The following SYT7 variants were observed in gnomAD, a reference collection of about 807,000 sequenced individuals.
SYT7 encodes synaptotagmin-7.
SYT7 carries 29 observed loss-of-function variants against 75.1 expected under a neutral mutation model. That is an observed-to-expected ratio of 0.39 (90% CI 0.29 to 0.53). The LOEUF (loss-of-function observed/expected upper bound fraction) is 0.53. Ranked by LOEUF, SYT7 falls within the 20% of genes least tolerant of loss-of-function variation. The pLI, the probability that SYT7 is intolerant of heterozygous loss-of-function variation, is 0.77. For missense variants in SYT7, 693 were observed against 953.2 expected, an observed-to-expected ratio of 0.73 and a Z score of 3.59; for synonymous variants, 376 against 401.7, an observed-to-expected ratio of 0.94 and a Z score of 0.76.
intron 7 of SYT7, among the ~76,000 whole-genome samples, chr11:61,534,474 C>A (rs116506430): frequency 6.6e-6 from 1 of 150,800 alleles, no homozygotes; most frequent in Admixed American, 6.6e-5. Flanking sequence ...CATATGTACA[C>A]ACACACATGC....
chr11:61,564,241 T>C (rs1011217103), intron 1 of SYT7, among the ~76,000 whole-genome samples: 2 of 152,162 alleles, frequency 1.3e-5, no homozygotes, highest in Admixed American at 6.5e-5. Context: ...CATGTGTGCA[T>C]GTGTGCTCAC....
chr11:61,575,729 A>G (rs1418523089), intron 1 of SYT7, among the ~76,000 whole-genome samples: 1 of 152,062 alleles, frequency 6.6e-6, no homozygotes, highest in Admixed American at 6.5e-5. Flanking sequence ...TTTCCGTCAT[A>G]GCTCCCCACG....
chr11:61,576,362 G>A lies in SYT7; in HGVS notation c.31+4428C>T, dbSNP rs1001519866. ...GCTGGGCCTGGCACAGGCTGGTGCC[G>A]GCACCTGGCCAGACCAGTGACTGCC... On this transcript the variant is annotated intron_variant, in intron 1 of 12. Coordinates refer to ENST00000539008, the MANE Select transcript of SYT7 (RefSeq NM_001365809.2). This position sits in a 1 kb window ranked among gnomAD's most constrained non-coding sequence, Gnocchi z 4.1. Among the ~76,000 whole-genome samples the A allele has an allele frequency of 1.8e-4, 27 of 152,202 alleles. No individual in the cohort carries two copies. The highest frequency in any genetic ancestry group is 5.1e-4 in the African/African-American group (21 of 41,448).
intron 9 of SYT7, chr11:61,526,332 GC>G (rs2062516411): frequency 6.6e-6 from 1 of 152,180 alleles, no homozygotes; most frequent in Non-Finnish European, 1.5e-5. Context: ...AATATTGGAA[GC>G]TCCAAGAGGT....
intron 12 of SYT7, among the ~76,000 whole-genome samples, chr11:61,520,776 T>C (rs766365558): frequency 7.9e-5 from 12 of 152,312 alleles, no homozygotes; most frequent in Non-Finnish European, 1.6e-4. Context: ...TGAGCCAAGA[T>C]TGTGCCACTG....
intron 3 of SYT7, 148 bp from the exon 4 acceptor site, chr11:61,547,456 AAGGC>A: frequency 1.1e-6 from 1 of 906,450 alleles, no homozygotes; most frequent in Non-Finnish European, 1.6e-6. Flanking sequence ...GGGAGGAAGA[AAGGC>A]AGGCGGGCAC....
intron 1 of SYT7, among the ~76,000 whole-genome samples, chr11:61,563,191 C>T (rs2063685396): frequency 2.0e-5 from 3 of 152,246 alleles, no homozygotes; most frequent in African/African-American, 4.8e-5. Context: ...TTTGCCATCA[C>T]TTGTCTACTC....
rs17849203 is a variant in SYT7, at chr11:61,531,462, G to T, written c.1200+1527C>A. Among the ~76,000 whole-genome samples the T allele has an allele frequency of 7.9e-5, 12 of 152,280 alleles. No individual in the cohort carries two copies. The East Asian group carries it at 1.2e-3, about 15-fold the overall frequency. On this transcript the variant is annotated intron_variant, in intron 8 of 12. Coordinates refer to ENST00000539008, the MANE Select transcript of SYT7 (RefSeq NM_001365809.2). ...ACAGCTGGGGCCAGTCTTCCTGGGG[G>T]GGGGAAGATGGAAGGAGGGCAGTGG...
At chr11:61,563,323 G>C (rs1290410656) in intron 1 of SYT7, among the ~76,000 whole-genome samples, 1 of 152,344 alleles carries the variant, frequency 6.6e-6, no homozygotes, top group African/African-American at 2.4e-5. Flanking sequence ...CAAGGCCCAT[G>C]CTGGGCCTGA....
Position 61,518,393 on chromosome 11 carries a change from G to C in SYT7, c.*234C>G. On this transcript the variant is annotated 3_prime_UTR_variant, in exon 13 of 13. Transcript: ENST00000539008. The stretch of plus-strand genomic sequence containing the variant: ...AGTATTAGTAAGTCAGGAAGAAAAG[G>C]GGCAAAGCAGGAAAATGCCTCCCAG... 2.5e-6 allele frequency: 1 copy of C among 403,882 alleles called. No individual in the cohort carries two copies. Among genetic ancestry groups the C allele is most frequent in the South Asian group, 9.4e-5 (1 of 10,628 alleles). 25.0% of individuals were successfully genotyped at this position (403,882 alleles called of 1,614,324 possible).
intron 9 of SYT7, chr11:61,526,214 CA>C (rs2062511503): frequency 6.6e-6 from 1 of 152,200 alleles, no homozygotes; most frequent in African/African-American, 2.4e-5. Context: ...TCCCTTTCCT[CA>C]TATTGTGGGA....
intron 7 of SYT7, among the ~76,000 whole-genome samples, chr11:61,535,664 C>A (rs2062848997): frequency 6.6e-6 from 1 of 152,114 alleles, no homozygotes; most frequent in African/African-American, 2.4e-5. Context: ...CCATCTCCCG[C>A]TGCTTGTTGG....
chr11:61,584,834 G>A (rs539538518), upstream of SYT7, among the ~76,000 whole-genome samples: 2 of 152,350 alleles, frequency 1.3e-5, no homozygotes, highest in South Asian at 4.1e-4. Flanking sequence ...TATCTCATTG[G>A]GGAGGGCCTG....
In SYT7 at chr11:61,546,518, G is replaced by T; in HGVS notation, c.348-263C>A. On this transcript the variant is annotated intron_variant, in intron 4 of 12. Coordinates refer to ENST00000539008, the MANE Select transcript of SYT7 (RefSeq NM_001365809.2). This position sits in a 1 kb window ranked among gnomAD's most constrained non-coding sequence, Gnocchi z 7.6. Reference sequence around the variant, plus strand: ...GAGAGGGGGACCGGGCGGGCTGGGGGTCGGAGAACAACGCACCACGACAAC... The same window carrying T: ...GAGAGGGGGACCGGGCGGGCTGGGGTTCGGAGAACAACGCACCACGACAAC... 1 of 483,748 alleles carries T rather than the reference G, an allele frequency of 2.1e-6. No individual in the cohort carries two copies. The highest frequency in any genetic ancestry group is 3.8e-6 in the Non-Finnish European group (1 of 260,542). 30.0% of individuals were successfully genotyped at this position (483,748 alleles called of 1,614,324 possible). A position where few individuals can be genotyped will look rare whatever the true frequency, so the allele number is the denominator to read the frequency against.
At chr11:61,579,205 C>T (rs1449391264) in intron 1 of SYT7, among the ~76,000 whole-genome samples, 3 of 152,230 alleles carry the variant, frequency 2.0e-5, no homozygotes, top group Admixed American at 1.3e-4. Flanking sequence ...CTTCCATCCT[C>T]ATACCCCAGA....
upstream of SYT7, among the ~76,000 whole-genome samples, chr11:61,581,477 A>T (rs1396677476): frequency 6.6e-6 from 1 of 152,332 alleles, no homozygotes; most frequent in East Asian, 1.9e-4. Flanking sequence ...CCGATCCAAA[A>T]GGCGTGGAGA....
intron 12 of SYT7, among the ~76,000 whole-genome samples, chr11:61,518,932 C>A (rs1253468652): frequency 6.6e-6 from 1 of 152,242 alleles, no homozygotes; most frequent in African/African-American, 2.4e-5. Context: ...TGTCTACCCC[C>A]ACACCCCCAA....
chr11:61,517,803 T>A lies in SYT7; in HGVS notation c.*824A>T. 1 of 267,680 alleles carries A rather than the reference T, an allele frequency of 3.7e-6. No homozygotes were observed. Among genetic ancestry groups the A allele is most frequent in the Non-Finnish European group, 6.9e-6 (1 of 145,298 alleles). The allele number at this position is 267,680 out of a possible 1,614,324, so 16.6% of individuals were successfully genotyped here. ...GAGATGAAATTGCTGAGGAGGGAAC[T>A]ACTTCAGATTCTGAGCAGAGGGGGG... On this transcript the variant is annotated 3_prime_UTR_variant, in exon 13 of 13. Transcript: ENST00000539008.
intron 9 of SYT7, 136 bp downstream of exon 9, chr11:61,527,779 G>T: frequency 9.8e-7 from 1 of 1,023,684 alleles, no homozygotes; most frequent in South Asian, 1.5e-5. Context: ...CTGCTTGCAT[G>T]TGTGTTTGTG....
Sources: gnomAD v4.1 joint callset for allele counts (sites outside exome capture counted in the v4.1 genomes callset) on GRCh38, gnomAD v4.1.1 for gene constraint, Gnocchi (gnomAD v3.1) non-coding constraint, MANE v1.5 for transcripts, NCBI Gene and HGNC (gene_info 2026-07-23, HGNC 2026-07-21) for gene names.